XRCC4: variants seen among roughly 807,000 people sequenced by gnomAD.
XRCC4 encodes the protein DNA repair protein XRCC4.
In XRCC4, 28 loss-of-function variants were observed where a neutral mutation model predicts 39.1. The ratio of observed to expected loss-of-function variants is 0.72; its 90% CI spans 0.53 to 0.98. The LOEUF (loss-of-function observed/expected upper bound fraction) is 0.98. Ranked by LOEUF, XRCC4 falls within the 50% of genes least tolerant of loss-of-function variation. The pLI, the probability that XRCC4 is intolerant of heterozygous loss-of-function variation, is 0.00. For missense variants in XRCC4, 350 were observed against 376.4 expected, an observed-to-expected ratio of 0.93 and a Z score of 0.58; for synonymous variants, 123 against 126.4, an observed-to-expected ratio of 0.97 and a Z score of 0.18.
At chr5:83,230,942 C>T (rs567655956) in intron 6 of XRCC4, among the ~76,000 whole-genome samples, 2 of 151,658 alleles carry the variant, frequency 1.3e-5, no homozygotes, top group South Asian at 2.1e-4. Flanking sequence ...TAGGGTTGCT[C>T]GTGTCTTATG....
chr5:83,313,314 C>T (rs1755769840), intron 7 of XRCC4, among the ~76,000 whole-genome samples: 1 of 152,094 alleles, frequency 6.6e-6, no homozygotes, highest in South Asian at 2.1e-4. Flanking sequence ...GATATATGCA[C>T]AGTACTGTCC....
chr5:83,156,558 AT>A (rs1476960034), intron 3 of XRCC4, among the ~76,000 whole-genome samples: 3 of 151,902 alleles, frequency 2.0e-5, no homozygotes, highest in Admixed American at 1.3e-4. Context: ...TATGTCTCAA[AT>A]TTTTTTTCAC....
intron 7 of XRCC4, among the ~76,000 whole-genome samples, chr5:83,288,456 A>C (rs1391160429): frequency 1.3e-5 from 2 of 151,924 alleles, no homozygotes; most frequent in Non-Finnish European, 2.9e-5. Context: ...TGTTAGTTGC[A>C]TACAGGCTTA....
intron 6 of XRCC4, among the ~76,000 whole-genome samples, chr5:83,249,108 C>T (rs1460536146): frequency 1.3e-5 from 2 of 151,954 alleles, no homozygotes; most frequent in Non-Finnish European, 2.9e-5. Flanking sequence ...CCAGAAGTAA[C>T]CATGTAGTCT....
At chr5:83,258,894 T>A in intron 7 of XRCC4, 1 of 551,024 alleles carries the variant, frequency 1.8e-6, no homozygotes, top group East Asian at 4.3e-5. Context: ...TAAGCAAAAA[T>A]TTTTTTCTCA....
chr5:83,288,665 C>G (rs961362198), intron 7 of XRCC4, among the ~76,000 whole-genome samples: 1 of 151,624 alleles, frequency 6.6e-6, no homozygotes, highest in East Asian at 1.9e-4. Flanking sequence ...TACCTTGTTT[C>G]TGTGTATGTA....
rs189154430 is a variant in XRCC4 at position 83,148,763 on chromosome 5, G to A, written c.315+37560G>A. On this transcript the variant is annotated intron_variant, in intron 3 of 7. Coordinates refer to ENST00000396027, the MANE Select transcript of XRCC4 (RefSeq NM_003401.5). ...TTTGTGAGGGGTGAAGGTATCAGTGGTTGAATCCTGGAATAGATAGCTTAC... is the reference window on the plus strand; with the variant it reads ...TTTGTGAGGGGTGAAGGTATCAGTGATTGAATCCTGGAATAGATAGCTTAC... Among the ~76,000 whole-genome samples the A allele has an allele frequency of 3.3e-5, 5 of 152,120 alleles. No individual in the cohort carries two copies. In the East Asian group the frequency reaches 9.7e-4, roughly 29 times the overall value.
At chr5:83,282,318 C>CAA (rs375489374) in intron 7 of XRCC4, among the ~76,000 whole-genome samples, 1 of 148,406 alleles carries the variant, frequency 6.7e-6, no homozygotes, top group Non-Finnish European at 1.5e-5. Context: ...TTTATAATAG[C>CAA]AAAAAAAAAG....
chr5:83,255,087 CAAAAAAG>C (rs1254214086), intron 6 of XRCC4, among the ~76,000 whole-genome samples: 1 of 130,134 alleles, frequency 7.7e-6, no homozygotes, highest in African/African-American at 3.8e-5. Context: ...AATTCCGTCT[CAAAAAAG>C]AAAAAAAAAA....
the XRCC4 span, among the ~76,000 whole-genome samples, chr5:83,367,515 C>T: frequency 5.9e-5 from 9 of 152,304 alleles, no homozygotes; most frequent in East Asian, 1.5e-3. Context: ...GGCCACTCTG[C>T]TCACTTCTCA....
At chr5:83,122,890 T>C (rs1266148986) in intron 3 of XRCC4, among the ~76,000 whole-genome samples, 2 of 152,198 alleles carry the variant, frequency 1.3e-5, no homozygotes, top group African/African-American at 4.8e-5. Flanking sequence ...CCATTGTTGT[T>C]AGACAACTTT....
intron 3 of XRCC4, among the ~76,000 whole-genome samples, chr5:83,173,756 C>G (rs922086318): frequency 1.3e-5 from 2 of 152,142 alleles, no homozygotes; most frequent in Non-Finnish European, 2.9e-5. Flanking sequence ...TGAGAACAAC[C>G]TAACTAGGAA....
At chr5:83,160,397 G>A (rs900499451) in intron 3 of XRCC4, among the ~76,000 whole-genome samples, 1 of 152,080 alleles carries the variant, frequency 6.6e-6, no homozygotes, top group Non-Finnish European at 1.5e-5. Flanking sequence ...AATTTTGTAT[G>A]TGCAGTATCT....
chr5:83,270,986 A>C (rs952886756), intron 7 of XRCC4, among the ~76,000 whole-genome samples: 4 of 151,916 alleles, frequency 2.6e-5, no homozygotes, highest in African/African-American at 9.7e-5. Flanking sequence ...GGGTTTTGCC[A>C]TGTATAGGAA....
intron 7 of XRCC4, among the ~76,000 whole-genome samples, chr5:83,295,009 A>G (rs1319590674): frequency 1.3e-5 from 2 of 152,078 alleles, no homozygotes; most frequent in Admixed American, 6.6e-5. Flanking sequence ...AAAGTTTTTT[A>G]TGTTAAGCAT....
intron 3 of XRCC4, among the ~76,000 whole-genome samples, chr5:83,135,738 T>C (rs1031529133): frequency 6.6e-6 from 1 of 152,180 alleles, no homozygotes; most frequent in African/African-American, 2.4e-5. Flanking sequence ...ATCTCAGGCA[T>C]GGTGATTTTT....
intron 1 of XRCC4, among the ~76,000 whole-genome samples, chr5:83,103,232 A>G (rs1023123930): frequency 2.6e-5 from 4 of 151,736 alleles, no homozygotes; most frequent in African/African-American, 7.3e-5. Flanking sequence ...TAGAATTTTT[A>G]TATTATGTGG....
intron 3 of XRCC4, among the ~76,000 whole-genome samples, chr5:83,139,684 G>T (rs1423213207): frequency 6.6e-6 from 1 of 152,176 alleles, no homozygotes; most frequent in Non-Finnish European, 1.5e-5. Context: ...TATATAGTAT[G>T]TATAGCCTGT....
intron 3 of XRCC4, among the ~76,000 whole-genome samples, chr5:83,134,832 A>G (rs1213577347): frequency 6.6e-6 from 1 of 152,108 alleles, no homozygotes. Flanking sequence ...GAAGCCAACA[A>G]GACCATGAAC....
Sources: gnomAD v4.1 joint callset for allele counts (sites outside exome capture counted in the v4.1 genomes callset) on GRCh38, gnomAD v4.1.1 for gene constraint, MANE v1.5 for transcripts, NCBI Gene and HGNC (gene_info 2026-07-23, HGNC 2026-07-21) for gene names.